The following SPAG17 variants were observed in gnomAD, a reference collection of about 807,000 sequenced individuals.
The protein encoded by SPAG17 is sperm associated antigen 17.
A neutral mutation model predicts 273.6 loss-of-function variants in SPAG17; 169 were observed. The ratio of observed to expected loss-of-function variants is 0.62; its 90% CI spans 0.55 to 0.70. SPAG17 has a LOEUF of 0.70. Among genes scored for constraint, SPAG17 ranks in the 30% least tolerant of loss-of-function variants. The pLI, the probability that SPAG17 is intolerant of heterozygous loss-of-function variation, is 0.00. For synonymous variants in SPAG17, 825 were observed against 873.2 expected, an observed-to-expected ratio of 0.94 and a Z score of 0.97; for missense variants, 2,557 against 2,627.8, an observed-to-expected ratio of 0.97 and a Z score of 0.59.
chr1:118,128,443 G>C (rs1327673246), intron 3 of SPAG17, among the ~76,000 whole-genome samples: 1 of 152,170 alleles, frequency 6.6e-6, no homozygotes, highest in Non-Finnish European at 1.5e-5. Context: ...ATGTTGAATA[G>C]AAGTGGTGAG....
intron 29 of SPAG17, among the ~76,000 whole-genome samples, chr1:118,014,740 G>A (rs1191923837): frequency 6.6e-6 from 1 of 152,114 alleles, no homozygotes; most frequent in Non-Finnish European, 1.5e-5. Context: ...ACTTAGGAAC[G>A]TCTTCATTTT....
chr1:118,046,867 CTT>C (rs1438371613), intron 20 of SPAG17, among the ~76,000 whole-genome samples: 3 of 151,740 alleles, frequency 2.0e-5, no homozygotes, highest in African/African-American at 7.3e-5. Context: ...GGAAAATAAA[CTT>C]AATACAAAGA....
In SPAG17 at chr1:118,031,697, T is replaced by C. The variant is rs749498611; in HGVS notation, c.3604A>G (p.Lys1202Glu). The C allele has an allele frequency of 8.7e-6, 14 of 1,612,532 alleles. No individual in the cohort carries two copies. In the Admixed American group the frequency reaches 2.2e-4, roughly 25 times the overall value. The change falls in exon 25 of 49, where the codon AAA becomes GAA. Residue 1202 changes from lysine (K) to glutamate (E), a missense_variant. By Grantham distance (56) the Lys-to-Glu change is moderately conservative. Transcript: ENST00000336338. Reference protein sequence around the residue: ...KEEEHPKEEEKKEEEVEPEPV... With the variant: ...KEEEHPKEEEEKEEEVEPEPV... ...CTATGGCAAGGTTCATTTACCTTTT[T>C]CTCTTCTTCTTTTGGGTGTTCTTCT...
intron 43 of SPAG17, among the ~76,000 whole-genome samples, chr1:117,978,487 A>G (rs1175799251): frequency 6.6e-6 from 1 of 152,156 alleles, no homozygotes; most frequent in East Asian, 1.9e-4. Flanking sequence ...TCTCTCTGGC[A>G]TGGAATTATC....
intron 1 of SPAG17, among the ~76,000 whole-genome samples, chr1:118,177,798 C>T (rs1558064374): frequency 6.6e-6 from 1 of 151,896 alleles, no homozygotes; most frequent in South Asian, 2.1e-4. Flanking sequence ...CAACTGAACA[C>T]CAACAATTGG....
intron 3 of SPAG17, among the ~76,000 whole-genome samples, chr1:118,138,561 G>A (rs1658489415): frequency 2.6e-5 from 4 of 151,764 alleles, no homozygotes; most frequent in Admixed American, 2.0e-4. Flanking sequence ...ATACACACAT[G>A]CTAGTTGAAA....
At chr1:118,080,285 T>C (rs907436727) in intron 15 of SPAG17, among the ~76,000 whole-genome samples, 1 of 151,938 alleles carries the variant, frequency 6.6e-6, no homozygotes, top group Admixed American at 6.6e-5. Context: ...TTCATGGAGG[T>C]GCCACTGAAT....
intron 38 of SPAG17, among the ~76,000 whole-genome samples, chr1:117,989,078 G>C (rs756866082): frequency 3.3e-4 from 50 of 152,252 alleles, no homozygotes; most frequent in Middle Eastern, 6.8e-3. Context: ...AAGCTACAGG[G>C]TAGCGTTGCC....
intron 1 of SPAG17, among the ~76,000 whole-genome samples, chr1:118,164,548 A>AT (rs1421474400): frequency 6.6e-6 from 1 of 152,070 alleles, no homozygotes; most frequent in African/African-American, 2.4e-5. Flanking sequence ...TCTCATCACT[A>AT]TTCTCCTAGT....
At chr1:117,974,678 G>A (rs1654945401) in intron 43 of SPAG17, among the ~76,000 whole-genome samples, 1 of 152,142 alleles carries the variant, frequency 6.6e-6, no homozygotes, top group African/African-American at 2.4e-5. Context: ...GTTACATGAG[G>A]GAATGAGCAA....
At chr1:117,995,325 T>C (rs1468204653) in intron 34 of SPAG17, among the ~76,000 whole-genome samples, 1 of 152,066 alleles carries the variant, frequency 6.6e-6, no homozygotes, top group Non-Finnish European at 1.5e-5. Context: ...TGTGTGACTT[T>C]ATAGTTAACA....
At chr1:118,101,666 A>C in intron 5 of SPAG17, 74 bp downstream of exon 5, 1 of 1,453,972 alleles carries the variant, frequency 6.9e-7, no homozygotes, top group Non-Finnish European at 9.4e-7. Context: ...TGAGTCACCA[A>C]ATTAACTGGT....
intron 1 of SPAG17, among the ~76,000 whole-genome samples, chr1:118,183,845 T>C (rs1035332346): frequency 1.3e-5 from 2 of 152,186 alleles, no homozygotes; most frequent in African/African-American, 4.8e-5. Flanking sequence ...TTATTTTGGC[T>C]AGCGCTGACT....
chr1:118,053,834 C>T (rs1202836736), intron 20 of SPAG17, among the ~76,000 whole-genome samples, 168 bp downstream of exon 20: 1 of 151,990 alleles, frequency 6.6e-6, no homozygotes, highest in Non-Finnish European at 1.5e-5. Context: ...ATCAAACACT[C>T]CTGTAAATAT....
At position 117,988,200 on chromosome 1, in the gene SPAG17, T is replaced by A. The variant is rs748578271; in HGVS notation, c.5526A>T (p.Ala1842=). ...GCTTGAATAAATCAGTTAGGTGAGCTGCAACTTTAAACATAGATGTATTTA... is the reference window on the plus strand; with the variant it reads ...GCTTGAATAAATCAGTTAGGTGAGCAGCAACTTTAAACATAGATGTATTTA... ...ETTKSHVTEV[A]AHLTDLFKQS... The change falls in exon 39 of 49, where the codon GCA becomes GCT. Residue 1842 remains alanine, a synonymous_variant. Transcript: ENST00000336338. 1 of 1,595,998 alleles carries A rather than the reference T, an allele frequency of 6.3e-7. No individual in the cohort carries two copies. Among genetic ancestry groups the A allele is most frequent in the Non-Finnish European group, 8.5e-7 (1 of 1,174,120 alleles).
Position 118,086,776 on chromosome 1 carries a change from A to G in SPAG17, c.1506T>C (p.His502=), listed in dbSNP as rs753921133. 6.2e-7 allele frequency: 1 copy of G among 1,614,174 alleles called. No individual in the cohort carries two copies. The highest frequency in any genetic ancestry group is 1.1e-5 in the South Asian group (1 of 91,092). Residue 502 remains histidine (H), a synonymous_variant, in exon 12 of 49, where the codon CAT becomes CAC. Transcript: ENST00000336338. Reference sequence around the variant, plus strand: ...TTTCTTCTTCAGATAAAAATATGTCATGAAGATTCTATGCAAATTGAAACA... The same window carrying G: ...TTTCTTCTTCAGATAAAAATATGTCGTGAAGATTCTATGCAAATTGAAACA... ...CLSEREKKNL[H]DIFLSEEENE... is the part of the protein sequence containing the mutation.
intron 28 of SPAG17, among the ~76,000 whole-genome samples, chr1:118,020,056 G>A (rs539738752): frequency 3.3e-5 from 5 of 152,238 alleles, no homozygotes; most frequent in Non-Finnish European, 5.9e-5. Flanking sequence ...AAGTTATACC[G>A]GTAAGGTATT....
At chr1:118,021,628 T>C (rs1660505438) in intron 28 of SPAG17, among the ~76,000 whole-genome samples, 1 of 152,212 alleles carries the variant, frequency 6.6e-6, no homozygotes. Flanking sequence ...TTGGGGAAAC[T>C]GTGAGCAGAG....
intron 10 of SPAG17, 136 bp from the exon 11 acceptor site, chr1:118,087,144 T>C: frequency 1.1e-6 from 1 of 911,746 alleles, no homozygotes; most frequent in South Asian, 3.0e-5. Flanking sequence ...TGACACAAAA[T>C]GGCAGGAAAC....
Sources: gnomAD v4.1 joint callset for allele counts (sites outside exome capture counted in the v4.1 genomes callset) on GRCh38, gnomAD v4.1.1 for gene constraint, MANE v1.5 for transcripts, NCBI Gene and HGNC (gene_info 2026-07-23, HGNC 2026-07-21) for gene names.